Variants in ARHGAP15 observed in about 807,000 individuals in gnomAD.
The protein encoded by ARHGAP15 is Rho GTPase activating protein 15.
Under a neutral mutation model 63.7 loss-of-function variants are expected in ARHGAP15, and 51 were observed. That is an observed-to-expected ratio of 0.80 (90% confidence interval 0.64 to 1.01). ARHGAP15 has a LOEUF of 1.01. Ranked by LOEUF, ARHGAP15 falls within the 50% of genes least tolerant of loss-of-function variation. The pLI is 0.00. For synonymous variants in ARHGAP15, 191 were observed against 193.8 expected (o/e 0.99, Z 0.12); for missense variants, 560 against 564.6 (o/e 0.99, Z 0.08).
In ARHGAP15 at chr2:143,406,113, T is replaced by C. The variant is rs143002479; in HGVS notation, c.475-29488T>C. On this transcript the variant is annotated intron_variant, in intron 6 of 13. Coordinates refer to ENST00000295095, the MANE Select transcript of ARHGAP15 (RefSeq NM_018460.4). ...TTGTACCAATGATGAGCATCTTACA[T>C]GTCTTTTGTTGTTTTCTCATATCTA... Among the ~76,000 whole-genome samples, 7 of 152,016 alleles carry C rather than the reference T, an allele frequency of 4.6e-5. No homozygotes were observed. The East Asian group carries it at 9.6e-4, about 21-fold the overall frequency.
chr2:143,622,232 T>A (rs564098573), intron 11 of ARHGAP15, among the ~76,000 whole-genome samples: 1 of 152,270 alleles, frequency 6.6e-6, no homozygotes, highest in Admixed American at 6.5e-5. Flanking sequence ...TAAGAATTGG[T>A]ACCATGGGAA....
intron 8 of ARHGAP15, among the ~76,000 whole-genome samples, chr2:143,446,762 A>G (rs1429965130): frequency 9.5e-5 from 14 of 147,462 alleles, no homozygotes; most frequent in Middle Eastern, 3.5e-3. Context: ...ATATCTCCCA[A>G]TGCTATCCCT....
intron 12 of ARHGAP15, among the ~76,000 whole-genome samples, chr2:143,662,862 A>G (rs1681904467): frequency 7.1e-6 from 1 of 140,196 alleles, no homozygotes; most frequent in Admixed American, 7.0e-5. Context: ...GGAAGTTTAG[A>G]GAAAAAAGAA....
At chr2:143,709,420 G>C (rs1684476863) in intron 13 of ARHGAP15, among the ~76,000 whole-genome samples, 2 of 152,206 alleles carry the variant, frequency 1.3e-5, no homozygotes, top group Non-Finnish European at 2.9e-5. Context: ...ATTTGCTGCA[G>C]ATTTTACGTG....
At chr2:143,530,833 TATC>T (rs1324275758) in intron 10 of ARHGAP15, among the ~76,000 whole-genome samples, 4 of 152,204 alleles carry the variant, frequency 2.6e-5, no homozygotes, top group African/African-American at 9.6e-5. Context: ...CCCAATTTAG[TATC>T]ATCAGCAAAT....
intron 12 of ARHGAP15, among the ~76,000 whole-genome samples, chr2:143,692,124 AT>A (rs1683631441): frequency 6.6e-6 from 1 of 152,170 alleles, no homozygotes. Context: ...CATGGTAAGA[AT>A]TGAAGTAGTA....
chr2:143,569,171 C>CAA (rs34628456), intron 11 of ARHGAP15, among the ~76,000 whole-genome samples: 15 of 150,418 alleles, frequency 1.0e-4, no homozygotes, highest in East Asian at 9.7e-4. Context: ...ATAATTTAAA[C>CAA]AAAAAAAAAG....
rs758916393 is a variant in ARHGAP15, at chr2:143,436,896, T to C, written c.574-17T>C. 6 of 1,603,272 alleles carry C rather than the reference T, an allele frequency of 3.7e-6. No homozygotes were observed. Among genetic ancestry groups the C allele is most frequent in the Non-Finnish European group, 5.1e-6 (6 of 1,177,080 alleles). On this transcript the variant is annotated splice_polypyrimidine_tract_variant and intron_variant, in intron 7 of 13. Transcript: ENST00000295095. ...TTTCTAGTAAAATTATTCAGTCTAA[T>C]TATTTGCTGTTTCCAGCCAAAGGAT...
At chr2:143,420,546 T>C (rs777232391) in intron 6 of ARHGAP15, among the ~76,000 whole-genome samples, 1 of 152,164 alleles carries the variant, frequency 6.6e-6, no homozygotes, top group Non-Finnish European at 1.5e-5. Flanking sequence ...ATTTTTACTA[T>C]ATTTAATTAT....
intron 6 of ARHGAP15, among the ~76,000 whole-genome samples, chr2:143,288,723 T>C (rs1160734651): frequency 6.6e-6 from 1 of 151,826 alleles, no homozygotes; most frequent in African/African-American, 2.4e-5. Context: ...CCTAAGATCT[T>C]GACACACATA....
At chr2:143,361,183 T>TA (rs34994838) in intron 6 of ARHGAP15, among the ~76,000 whole-genome samples, 2 of 151,928 alleles carry the variant, frequency 1.3e-5, no homozygotes, top group African/African-American at 4.8e-5. Context: ...AAATTTTTTT[T>TA]AAATGTACTC....
intron 6 of ARHGAP15, among the ~76,000 whole-genome samples, chr2:143,339,016 T>G (rs959877858): frequency 1.3e-5 from 2 of 152,082 alleles, no homozygotes; most frequent in African/African-American, 4.8e-5. Flanking sequence ...TATGAGGTAA[T>G]GTGTTCTTTG....
intron 9 of ARHGAP15, among the ~76,000 whole-genome samples, chr2:143,493,057 C>A (rs1365220611): frequency 1.1e-4 from 17 of 148,152 alleles, no homozygotes; most frequent in South Asian, 2.1e-4. Flanking sequence ...GACTCTGTCT[C>A]AAAAAAAAAC....
At chr2:143,369,272 A>G (rs1004777297) in intron 6 of ARHGAP15, among the ~76,000 whole-genome samples, 1 of 152,144 alleles carries the variant, frequency 6.6e-6, no homozygotes, top group African/African-American at 2.4e-5. Flanking sequence ...TTCACTGATC[A>G]TATTTTATCT....
At chr2:143,454,843 A>G (rs1022550448) in intron 8 of ARHGAP15, among the ~76,000 whole-genome samples, 1 of 152,144 alleles carries the variant, frequency 6.6e-6, no homozygotes, top group Non-Finnish European at 1.5e-5. Context: ...AACTCTAAAA[A>G]GCTGGAGTAC....
chr2:143,661,108 T>C (rs1041097500), intron 12 of ARHGAP15, among the ~76,000 whole-genome samples: 3 of 152,198 alleles, frequency 2.0e-5, no homozygotes, highest in Non-Finnish European at 4.4e-5. Flanking sequence ...CTCTCTGACA[T>C]TCTTCCATTC....
At chr2:143,527,719 G>A (rs991984701) in intron 10 of ARHGAP15, among the ~76,000 whole-genome samples, 2 of 151,970 alleles carry the variant, frequency 1.3e-5, no homozygotes, top group African/African-American at 4.8e-5. Flanking sequence ...GTGCTCCCTC[G>A]TGTATAAGCC....
Position 143,626,543 on chromosome 2 carries a change from A to G in ARHGAP15, c.1138+2276A>G, listed in dbSNP as rs539216316. 7.2e-4 allele frequency among the ~76,000 whole-genome samples: 110 copies of G among 152,242 alleles called. 5 individuals are homozygous for G. The South Asian group carries it at 0.022, about 31-fold the overall frequency. Reference sequence around the variant, plus strand: ...AGCGAAAGGACAAAGCTTCCACAGCATGGAAGGGGACCCCAGCGGGTTACC... The same window carrying G: ...AGCGAAAGGACAAAGCTTCCACAGCGTGGAAGGGGACCCCAGCGGGTTACC... On this transcript the variant is annotated intron_variant, in intron 12 of 13. Transcript: ENST00000295095.
chr2:143,211,808 A>G (rs796914247), intron 3 of ARHGAP15, among the ~76,000 whole-genome samples: 27 of 152,298 alleles, frequency 1.8e-4, no homozygotes, highest in African/African-American at 6.5e-4. Flanking sequence ...GAATATTCTG[A>G]TACTATTTAA....
Sources: gnomAD v4.1 joint callset for allele counts (sites outside exome capture counted in the v4.1 genomes callset) on GRCh38, gnomAD v4.1.1 for gene constraint, MANE v1.5 for transcripts, NCBI Gene and HGNC (gene_info 2026-07-23, HGNC 2026-07-21) for gene names.